BRD10: variants seen among roughly 807,000 people sequenced by gnomAD.
BRD10 encodes bromodomain containing 10, also known as uncharacterized bromodomain-containing protein 10.
At chr9:5,966,657 A>G in the BRD10 span, among the ~76,000 whole-genome samples, 2 of 151,744 alleles carry the variant, frequency 1.3e-5, no homozygotes, top group African/African-American at 4.8e-5. Context: ...ACAGGGTTTC[A>G]CCATATTGGC....
the BRD10 span, among the ~76,000 whole-genome samples, chr9:5,916,679 A>G: frequency 1.3e-5 from 2 of 152,070 alleles, no homozygotes; most frequent in African/African-American, 2.4e-5. Flanking sequence ...AACACACCAG[A>G]AGGAGGCAGG....
At chr9:5,999,974 C>T in the BRD10 span, among the ~76,000 whole-genome samples, 1 of 152,132 alleles carries the variant, frequency 6.6e-6, no homozygotes, top group African/African-American at 2.4e-5. Flanking sequence ...CAATTTTTAA[C>T]TTGTATGGTT....
At chr9:5,980,459 G>A in the BRD10 span, among the ~76,000 whole-genome samples, 1 of 152,126 alleles carries the variant, frequency 6.6e-6, no homozygotes, top group Non-Finnish European at 1.5e-5. Flanking sequence ...TTTAAATCTG[G>A]CAATCTAAGA....
the BRD10 span, among the ~76,000 whole-genome samples, chr9:5,935,648 C>A: frequency 2.6e-5 from 4 of 152,180 alleles, no homozygotes; most frequent in Non-Finnish European, 5.9e-5. Flanking sequence ...AAACAATTCA[C>A]AGCACAATCT....
chr9:5,879,969 G>T, the BRD10 span, among the ~76,000 whole-genome samples: 1 of 152,164 alleles, frequency 6.6e-6, no homozygotes, highest in Non-Finnish European at 1.5e-5. Context: ...TCCCAAGCTG[G>T]AGTGCAGTGG....
At chr9:5,908,546 A>T in the BRD10 span, 4 of 1,093,740 alleles carry the variant, frequency 3.7e-6, no homozygotes, top group Non-Finnish European at 4.1e-6. Flanking sequence ...GTCCACAGGG[A>T]AAGTATAAAT....
the BRD10 span, among the ~76,000 whole-genome samples, chr9:5,918,847 A>T: frequency 6.6e-6 from 1 of 151,344 alleles, no homozygotes; most frequent in Admixed American, 6.6e-5. Context: ...ATTTTCTGAA[A>T]CACAAGATTT....
the BRD10 span, among the ~76,000 whole-genome samples, chr9:5,962,394 G>A: frequency 1.8e-5 from 2 of 109,874 alleles, no homozygotes; most frequent in East Asian, 4.6e-4. Context: ...AATAACAGGA[G>A]CTGAAATTGT....
chr9:5,962,006 C>A, the BRD10 span, among the ~76,000 whole-genome samples: 169 of 147,958 alleles, frequency 1.1e-3, no homozygotes, highest in Middle Eastern at 3.2e-3. Context: ...TTAGTTATTT[C>A]TTGCCTTCTG....
the BRD10 span, chr9:5,890,737 G>C: frequency 6.6e-6 from 1 of 152,170 alleles, no homozygotes; most frequent in Non-Finnish European, 1.5e-5. Flanking sequence ...ACAGTCAGCT[G>C]TGACTTTTTG....
chr9:5,967,349 T>C, the BRD10 span, among the ~76,000 whole-genome samples: 75 of 152,246 alleles, frequency 4.9e-4, 1 homozygote, highest in South Asian at 6.8e-3. Flanking sequence ...AGCAGAGCAA[T>C]CGGCCACTGA....
chr9:5,944,298 G>A, the BRD10 span, among the ~76,000 whole-genome samples: 1 of 151,798 alleles, frequency 6.6e-6, no homozygotes, highest in Admixed American at 6.6e-5. Flanking sequence ...ATAAATATAT[G>A]CCCTTAAACT....
At chr9:5,898,760 C>T in the BRD10 span, among the ~76,000 whole-genome samples, 1 of 152,182 alleles carries the variant, frequency 6.6e-6, no homozygotes. Context: ...CACCCCTTTC[C>T]TCACTGGTTA....
chr9:5,991,279 G>T, the BRD10 span, among the ~76,000 whole-genome samples: 1 of 152,032 alleles, frequency 6.6e-6, no homozygotes, highest in Non-Finnish European at 1.5e-5. Context: ...ATCTAGTAGT[G>T]TATCTGTACA....
chr9:5,967,293 T>C, the BRD10 span, among the ~76,000 whole-genome samples: 1 of 152,114 alleles, frequency 6.6e-6, no homozygotes, highest in Non-Finnish European at 1.5e-5. Flanking sequence ...TAAACTGATT[T>C]AAAAGACAGA....
the BRD10 span, among the ~76,000 whole-genome samples, chr9:5,966,728 G>C: frequency 6.6e-6 from 1 of 151,966 alleles, no homozygotes; most frequent in Non-Finnish European, 1.5e-5. Context: ...AAAATGCTGG[G>C]ATTACAGGTG....
the BRD10 span, among the ~76,000 whole-genome samples, chr9:5,947,031 C>T: frequency 6.6e-6 from 1 of 151,742 alleles, no homozygotes; most frequent in African/African-American, 2.4e-5. Flanking sequence ...TTTGAGATCT[C>T]TTAATTATCA....
chr9:5,970,320 C>T, the BRD10 span, among the ~76,000 whole-genome samples: 1 of 152,056 alleles, frequency 6.6e-6, no homozygotes, highest in Non-Finnish European at 1.5e-5. Flanking sequence ...GAATACAACA[C>T]AGTACTTAAT....
At chr9:5,921,216 G>T in the BRD10 span, 9 of 1,613,814 alleles carry the variant, frequency 5.6e-6, no homozygotes, top group Non-Finnish European at 7.6e-6. Flanking sequence ...TTAATTGATG[G>T]TATAGCTGGC....
Sources: gnomAD v4.1 joint callset for allele counts (sites outside exome capture counted in the v4.1 genomes callset) on GRCh38, gnomAD v4.1.1 for gene constraint, MANE v1.5 for transcripts, NCBI Gene and HGNC (gene_info 2026-07-23, HGNC 2026-07-21) for gene names.